FREM3: variants seen among roughly 807,000 people sequenced by gnomAD.
FREM3 encodes the protein FRAS1 related extracellular matrix 3, also known as FRAS1-related extracellular matrix protein 3.
A neutral mutation model predicts 129.1 loss-of-function variants in FREM3; 105 were observed. The ratio of observed to expected loss-of-function variants is 0.81; its 90% CI spans 0.69 to 0.96. FREM3 has a LOEUF of 0.96. FREM3 is among the 40% of genes least tolerant of loss of function. The probability of loss-of-function intolerance (pLI) is 0.00; values close to 1 mark genes in which losing one functional copy is unlikely to be tolerated. For missense variants in FREM3, 2,593 were observed against 2,666.3 expected, an observed-to-expected ratio of 0.97 and a Z score of 0.61; for synonymous variants, 1,014 against 1,044.9, an observed-to-expected ratio of 0.97 and a Z score of 0.57.
At chr4:143,663,510 C>T (rs534405344) in intron 2 of FREM3, among the ~76,000 whole-genome samples, 12 of 152,186 alleles carry the variant, frequency 7.9e-5, no homozygotes, top group African/African-American at 2.9e-4. Context: ...TCTGGCTGCC[C>T]TTAACATTTT....
intron 5 of FREM3, among the ~76,000 whole-genome samples, chr4:143,620,196 T>C (rs1738921360): frequency 1.3e-5 from 2 of 152,102 alleles, no homozygotes; most frequent in Admixed American, 1.3e-4. Context: ...TAACCAATCA[T>C]ATAGGATGCC....
intron 2 of FREM3, among the ~76,000 whole-genome samples, chr4:143,650,640 G>A (rs1277454580): frequency 6.6e-6 from 1 of 152,186 alleles, no homozygotes; most frequent in Admixed American, 6.5e-5. Context: ...GTAGACACAT[G>A]CCAACATGCC....
At chr4:143,691,104 A>G (rs564692599) in intron 2 of FREM3, among the ~76,000 whole-genome samples, 2 of 152,350 alleles carry the variant, frequency 1.3e-5, no homozygotes, top group South Asian at 4.1e-4. Flanking sequence ...CACTGGATAA[A>G]TGAATGTGCA....
At chr4:143,675,515 G>C (rs1740098544) in intron 2 of FREM3, among the ~76,000 whole-genome samples, 1 of 152,142 alleles carries the variant, frequency 6.6e-6, no homozygotes, top group Non-Finnish European at 1.5e-5. Flanking sequence ...TCAAAAGCTA[G>C]CAGAAGGCAA....
At chr4:143,638,096 T>G (rs1367378675) in intron 2 of FREM3, among the ~76,000 whole-genome samples, 1 of 152,162 alleles carries the variant, frequency 6.6e-6, no homozygotes, top group Non-Finnish European at 1.5e-5. Context: ...TTTCGTGCCC[T>G]TTTTCTCCTT....
At chr4:143,601,546 T>C (rs1364852426) in intron 6 of FREM3, among the ~76,000 whole-genome samples, 1 of 152,232 alleles carries the variant, frequency 6.6e-6, no homozygotes, top group Non-Finnish European at 1.5e-5. Context: ...TGCTTATATA[T>C]AGAACAGACA....
chr4:143,648,644 C>T (rs368153009), intron 2 of FREM3, among the ~76,000 whole-genome samples: 2 of 152,186 alleles, frequency 1.3e-5, no homozygotes, highest in South Asian at 2.1e-4. Context: ...TGAAGAAGGA[C>T]GTGTTTGCTT....
chr4:143,658,662 A>G (rs1012745086), intron 2 of FREM3, among the ~76,000 whole-genome samples: 1 of 152,204 alleles, frequency 6.6e-6, no homozygotes, highest in Non-Finnish European at 1.5e-5. Context: ...ATGGCTTTGA[A>G]TGTGGCCCAA....
In FREM3 at chr4:143,585,801, C is replaced by T. The variant is rs183480986; in HGVS notation, c.6178+43G>A. The T allele has an allele frequency of 2.6e-5, 40 of 1,518,992 alleles. 1 individual carries two copies. In the Admixed American group the frequency reaches 5.7e-4, roughly 22 times the overall value. The allele number at this position is 1,518,992 out of a possible 1,614,324, so 94.1% of individuals were successfully genotyped here. A position where few individuals can be genotyped will look rare whatever the true frequency, so the allele number is the denominator to read the frequency against. ...TTAACAGACTAGACTCCACCATAAA[C>T]ATGTATCATGATAATGATATATTCT... On this transcript the variant is annotated intron_variant, in intron 7 of 7. Coordinates refer to ENST00000329798, the MANE Select transcript of FREM3 (RefSeq NM_001168235.2). This position sits in a 1 kb window ranked among gnomAD's most constrained non-coding sequence, Gnocchi z 4.2.
In FREM3 at chr4:143,600,771, C is replaced by G. The variant is rs553140108; in HGVS notation, c.6028+10508G>C. ...AATGTAACATAACTAACAAATATGG[C>G]TGTATGTGATTAAATATCTTGTTTA... On this transcript the variant is annotated intron_variant, in intron 6 of 7. Transcript: ENST00000329798. Among the ~76,000 whole-genome samples, 270 of 152,158 alleles carry G rather than the reference C, an allele frequency of 1.8e-3. 2 individuals carry two copies. The highest frequency in any genetic ancestry group is 6.4e-3 in the African/African-American group (264 of 41,508).
At chr4:143,594,826 C>A (rs1481162815) in intron 6 of FREM3, among the ~76,000 whole-genome samples, 2 of 152,144 alleles carry the variant, frequency 1.3e-5, no homozygotes, top group Admixed American at 1.3e-4. Flanking sequence ...GAAAACAGCT[C>A]CTCCATGTAG....
chr4:143,692,570 A>G (rs953436326), intron 2 of FREM3, among the ~76,000 whole-genome samples: 1 of 152,142 alleles, frequency 6.6e-6, no homozygotes, highest in African/African-American at 2.4e-5. Flanking sequence ...CCATTATTCT[A>G]CTTTGAAGTT....
intron 6 of FREM3, among the ~76,000 whole-genome samples, chr4:143,588,017 CA>C: frequency 6.6e-6 from 1 of 152,276 alleles, no homozygotes; most frequent in East Asian, 1.9e-4. Flanking sequence ...CACTTAACCC[CA>C]ATGCAGTCCC....
chr4:143,626,939 T>A (rs1739047185), intron 3 of FREM3, among the ~76,000 whole-genome samples: 1 of 152,152 alleles, frequency 6.6e-6, no homozygotes. Flanking sequence ...CTTAATAGAT[T>A]ATGTAAATAA....
intron 6 of FREM3, among the ~76,000 whole-genome samples, chr4:143,591,450 C>T (rs964858164): frequency 2.0e-5 from 3 of 152,154 alleles, no homozygotes; most frequent in African/African-American, 7.2e-5. Flanking sequence ...TCTTTGTTCT[C>T]ATTGGTTTCA....
chr4:143,577,949 A>G, intron 7 of FREM3, 97 bp from the exon 8 acceptor site: 4 of 1,261,158 alleles, frequency 3.2e-6, no homozygotes, highest in Non-Finnish European at 4.3e-6. Flanking sequence ...TGCGGCATTC[A>G]CCTTTGTACC....
At chr4:143,647,140 T>C (rs2149847730) in intron 2 of FREM3, among the ~76,000 whole-genome samples, 1 of 152,250 alleles carries the variant, frequency 6.6e-6, no homozygotes, top group Non-Finnish European at 1.5e-5. Context: ...GAAATAAAGG[T>C]GATTCTTGCT....
chr4:143,591,432 A>G (rs1019074345), intron 6 of FREM3, among the ~76,000 whole-genome samples: 3 of 152,146 alleles, frequency 2.0e-5, no homozygotes, highest in Non-Finnish European at 2.9e-5. Context: ...AGATTCTGCT[A>G]TGTTGTGTCT....
chr4:143,593,489 C>G (rs1578825815), intron 6 of FREM3, among the ~76,000 whole-genome samples: 1 of 152,196 alleles, frequency 6.6e-6, no homozygotes, highest in Non-Finnish European at 1.5e-5. Context: ...TTGGAGTTTA[C>G]TGGAGGTCCA....
Sources: gnomAD v4.1 joint callset for allele counts (sites outside exome capture counted in the v4.1 genomes callset) on GRCh38, gnomAD v4.1.1 for gene constraint, Gnocchi (gnomAD v3.1) non-coding constraint, MANE v1.5 for transcripts, NCBI Gene and HGNC (gene_info 2026-07-23, HGNC 2026-07-21) for gene names.